Variants in DCDC1 observed in about 807,000 individuals in gnomAD.
DCDC1 encodes the protein doublecortin domain containing 1, also known as doublecortin domain-containing protein 1.
DCDC1 carries 200 observed loss-of-function variants against 178.3 expected under a neutral mutation model. That is an observed-to-expected ratio of 1.12 (90% confidence interval 1.00 to 1.26). DCDC1 has a LOEUF of 1.26. Ranked by LOEUF, DCDC1 falls within the 50% of genes most tolerant of loss-of-function variation. The pLI, the probability that DCDC1 is intolerant of heterozygous loss-of-function variation, is 0.00. For synonymous variants in DCDC1, 690 were observed against 604.8 expected (o/e 1.14, Z -2.07); for missense variants, 1,983 against 1,749.2 (o/e 1.13, Z -2.38).
chr11:30,957,212 C>T lies in DCDC1; in HGVS notation c.2592-4644G>A, dbSNP rs564297294. Among the ~76,000 whole-genome samples the T allele has an allele frequency of 3.3e-5, 5 of 152,256 alleles. No homozygotes were observed. In the South Asian group the frequency reaches 1.0e-3, roughly 32 times the overall value. ...AATTTTCCTTCCCTTCTGCATCATT[C>T]CATATGCATAATGTCTGACAATCTG... On this transcript the variant is annotated intron_variant, in intron 20 of 38. Coordinates refer to ENST00000684477, the MANE Select transcript of DCDC1 (RefSeq NM_001387274.1).
At chr11:31,253,116 T>C (rs1311653107) in intron 8 of DCDC1, among the ~76,000 whole-genome samples, 3 of 152,188 alleles carry the variant, frequency 2.0e-5, no homozygotes, top group African/African-American at 7.2e-5. Context: ...CAGTGAATCA[T>C]TAAGCATGAG....
intron 36 of DCDC1, among the ~76,000 whole-genome samples, chr11:30,885,953 T>C (rs185882997): frequency 7.2e-5 from 11 of 152,184 alleles, no homozygotes; most frequent in African/African-American, 2.4e-4. Flanking sequence ...TGGCAAATAA[T>C]AGAAAACTGG....
intron 20 of DCDC1, among the ~76,000 whole-genome samples, chr11:31,010,113 T>C (rs1952085779): frequency 6.6e-6 from 1 of 152,200 alleles, no homozygotes; most frequent in Non-Finnish European, 1.5e-5. Flanking sequence ...CTTCACTCAG[T>C]CCACTGATTC....
intron 17 of DCDC1, among the ~76,000 whole-genome samples, chr11:31,078,757 A>G (rs289085): frequency 0.034 from 5,146 of 152,220 alleles, 279 homozygotes; most frequent in African/African-American, 0.12. Flanking sequence ...GATGCTTAAT[A>G]ACAATGTAGG....
intron 8 of DCDC1, among the ~76,000 whole-genome samples, chr11:31,248,323 A>G (rs1334699891): frequency 6.6e-6 from 1 of 152,128 alleles, no homozygotes; most frequent in African/African-American, 2.4e-5. Flanking sequence ...AATAGAAAAC[A>G]AAGTAAAACA....
chr11:31,280,392 G>GA (rs1420537029), intron 7 of DCDC1, among the ~76,000 whole-genome samples: 1 of 152,188 alleles, frequency 6.6e-6, no homozygotes, highest in Non-Finnish European at 1.5e-5. Context: ...CCATCTTTGT[G>GA]AAAAGGTGAA....
chr11:31,012,985 A>T (rs1232684788), intron 20 of DCDC1, among the ~76,000 whole-genome samples: 1 of 152,194 alleles, frequency 6.6e-6, no homozygotes, highest in Middle Eastern at 3.2e-3. Context: ...TATAGCAGTG[A>T]TTTTTAATTT....
At chr11:31,162,776 A>G (rs934598077) in intron 9 of DCDC1, among the ~76,000 whole-genome samples, 1 of 152,188 alleles carries the variant, frequency 6.6e-6, no homozygotes, top group African/African-American at 2.4e-5. Flanking sequence ...CTACAAAACA[A>G]CTGCTGCATA....
At chr11:31,147,950 G>A (rs533977209) in intron 9 of DCDC1, among the ~76,000 whole-genome samples, 1 of 152,240 alleles carries the variant, frequency 6.6e-6, no homozygotes, top group South Asian at 2.1e-4. Flanking sequence ...TCTCTTAAGA[G>A]AGAGGCTGAT....
intron 28 of DCDC1, 37 bp from the exon 29 acceptor site, chr11:30,909,153 C>A: frequency 6.4e-7 from 1 of 1,573,828 alleles, no homozygotes; most frequent in South Asian, 1.2e-5. Context: ...CAAGTGAGTT[C>A]ATGTGAGGGT....
intron 20 of DCDC1, among the ~76,000 whole-genome samples, chr11:31,003,049 CT>C (rs1042981297): frequency 1.3e-5 from 2 of 151,008 alleles, no homozygotes; most frequent in East Asian, 1.9e-4. Flanking sequence ...GAGTTTAGTC[CT>C]TTTTTCACAT....
chr11:31,358,544 T>G (rs1307216280), intron 1 of DCDC1, among the ~76,000 whole-genome samples: 4 of 151,628 alleles, frequency 2.6e-5, no homozygotes, highest in African/African-American at 7.3e-5. Flanking sequence ...ACTTCATGTC[T>G]AAAACACCAA....
chr11:31,332,696 A>G (rs190619508), intron 2 of DCDC1, among the ~76,000 whole-genome samples: 1 of 152,096 alleles, frequency 6.6e-6, no homozygotes, highest in Non-Finnish European at 1.5e-5. Context: ...GTTTTGAGTG[A>G]GTTTCTTAAT....
At chr11:31,344,283 C>T (rs759530987) in intron 1 of DCDC1, among the ~76,000 whole-genome samples, 2 of 152,198 alleles carry the variant, frequency 1.3e-5, no homozygotes, top group African/African-American at 2.4e-5. Context: ...GTTTTATTAA[C>T]ACATGCATAG....
In DCDC1 at chr11:30,903,490, C is replaced by T. The variant is rs1453010102; in HGVS notation, c.4502G>A (p.Ser1501Asn). 1 of 1,594,370 alleles carries T rather than the reference C, an allele frequency of 6.3e-7. No homozygotes were observed. The highest frequency in any genetic ancestry group is 8.6e-7 in the Non-Finnish European group (1 of 1,169,460). ...TGTAGATTGTAGCCAACCTTCCATA[C>T]TTTCAACAATTATCTGTTCTTTTCC... is the stretch of plus-strand genomic sequence containing the variant. ...PVGKEQIIVE[S>N]MEENPRMKVK... The change falls in exon 32 of 39, where the codon AGT becomes AAT. Residue 1501 changes from serine (S) to asparagine (N), a missense_variant. Transcript: ENST00000684477.
At chr11:30,953,681 T>C (rs1948571274) in intron 20 of DCDC1, among the ~76,000 whole-genome samples, 1 of 152,088 alleles carries the variant, frequency 6.6e-6, no homozygotes. Context: ...TGGCAGTTCT[T>C]CAGAAAGTCA....
intron 36 of DCDC1, chr11:30,883,587 T>G: frequency 3.6e-6 from 1 of 279,266 alleles, no homozygotes; most frequent in Non-Finnish European, 7.6e-6. Flanking sequence ...AAGTGTGGAT[T>G]TCAAGCATGG....
At chr11:31,155,874 A>C (rs1456786311) in intron 9 of DCDC1, 1 of 152,242 alleles carries the variant, frequency 6.6e-6, no homozygotes, top group African/African-American at 2.4e-5. Flanking sequence ...CAGTATCTTC[A>C]TCTTCAATAT....
intron 34 of DCDC1, among the ~76,000 whole-genome samples, chr11:30,899,223 G>A (rs551524548): frequency 1.3e-5 from 2 of 152,072 alleles, no homozygotes; most frequent in East Asian, 3.8e-4. Flanking sequence ...CCCACAAAAC[G>A]TCTGTTGAGG....
Sources: allele counts gnomAD v4.1 joint callset (sites outside exome capture counted in the v4.1 genomes callset), GRCh38; gene constraint gnomAD v4.1.1; transcripts MANE v1.5; gene names NCBI Gene and HGNC (gene_info 2026-07-23, HGNC 2026-07-21).